Variants in PDE4D observed in about 807,000 individuals in gnomAD.
PDE4D encodes the protein phosphodiesterase 4D.
A neutral mutation model predicts 87.4 loss-of-function variants in PDE4D; 24 were observed. The observed-to-expected ratio is 0.27, with a 90% CI of 0.20 to 0.39. The LOEUF (loss-of-function observed/expected upper bound fraction) is 0.39. Among genes scored for constraint, PDE4D ranks in the 10% least tolerant of loss-of-function variants. PDE4D has a pLI of 1.00. For synonymous variants in PDE4D, 384 were observed against 383.2 expected (o/e 1.00, Z -0.02); for missense variants, 714 against 1,041.0 (o/e 0.69, Z 4.32).
intron 1 of PDE4D, among the ~76,000 whole-genome samples, chr5:59,813,666 G>A (rs192711829): frequency 1.1e-3 from 165 of 152,160 alleles, no homozygotes; most frequent in Non-Finnish European, 1.9e-3. Context: ...AGTCTAGCAG[G>A]GGAAAATACT....
chr5:59,982,002 C>G (rs1197821150), intron 3 of PDE4D, among the ~76,000 whole-genome samples: 1 of 152,124 alleles, frequency 6.6e-6, no homozygotes, highest in Admixed American at 6.5e-5. Context: ...GCATCTGTGA[C>G]CAGTCCCTCT....
intron 3 of PDE4D, among the ~76,000 whole-genome samples, chr5:59,948,661 G>A (rs183357697): frequency 1.2e-3 from 186 of 152,286 alleles, no homozygotes; most frequent in African/African-American, 4.3e-3. Context: ...TAGAACCTAT[G>A]GTTGATGAAG....
chr5:59,546,580 A>T (rs1233765118), intron 1 of PDE4D, among the ~76,000 whole-genome samples: 1 of 152,170 alleles, frequency 6.6e-6, no homozygotes, highest in Admixed American at 6.6e-5. Flanking sequence ...TAAATCACAA[A>T]TCCAATTTAA....
intron 2 of PDE4D, among the ~76,000 whole-genome samples, chr5:60,039,930 T>C (rs961653200): frequency 1.3e-5 from 2 of 152,226 alleles, no homozygotes; most frequent in Non-Finnish European, 2.9e-5. Flanking sequence ...TTCCTGAACA[T>C]ATTTATTGTG....
chr5:59,614,260 G>A (rs1286436456), intron 1 of PDE4D, among the ~76,000 whole-genome samples: 4 of 152,134 alleles, frequency 2.6e-5, no homozygotes, highest in Non-Finnish European at 4.4e-5. Flanking sequence ...ATGCAAATAT[G>A]TAAAATTAAG....
intron 1 of PDE4D, among the ~76,000 whole-genome samples, chr5:59,506,155 T>C (rs1250443329): frequency 2.0e-5 from 3 of 152,166 alleles, no homozygotes; most frequent in South Asian, 4.1e-4. Flanking sequence ...ATTTGAAACA[T>C]TGATTTGCTA....
At chr5:60,237,185 G>T (rs1263268104) in intron 1 of PDE4D, among the ~76,000 whole-genome samples, 1 of 151,768 alleles carries the variant, frequency 6.6e-6, no homozygotes, top group Admixed American at 6.6e-5. Context: ...CAGCAACTCT[G>T]GAAAATAGTT....
chr5:60,170,054 G>T (rs1460215175), intron 2 of PDE4D, among the ~76,000 whole-genome samples: 2 of 151,588 alleles, frequency 1.3e-5, no homozygotes, highest in Non-Finnish European at 2.9e-5. Flanking sequence ...AAATTATACT[G>T]ACCATGACCT....
chr5:59,106,505 G>A (rs1232994540), intron 5 of PDE4D, among the ~76,000 whole-genome samples: 1 of 152,214 alleles, frequency 6.6e-6, no homozygotes, highest in African/African-American at 2.4e-5. Flanking sequence ...ACTCATGCTT[G>A]TAATCCCAGC....
chr5:59,325,693 A>C (rs1161197890), intron 1 of PDE4D, among the ~76,000 whole-genome samples: 1 of 152,094 alleles, frequency 6.6e-6, no homozygotes, highest in African/African-American at 2.4e-5. Flanking sequence ...GGTAGAAGTT[A>C]CCCCTCCCTT....
At chr5:60,146,923 C>T (rs1189818213) in intron 2 of PDE4D, among the ~76,000 whole-genome samples, 3 of 152,100 alleles carry the variant, frequency 2.0e-5, no homozygotes, top group Non-Finnish European at 2.9e-5. Context: ...ACAATATCAC[C>T]TCATACCTGT....
At chr5:59,778,842 T>C (rs1188144395) in intron 1 of PDE4D, among the ~76,000 whole-genome samples, 1 of 152,238 alleles carries the variant, frequency 6.6e-6, no homozygotes, top group Non-Finnish European at 1.5e-5. Context: ...TATACTGATC[T>C]ATCTACTAAA....
intron 1 of PDE4D, among the ~76,000 whole-genome samples, chr5:59,767,038 T>C (rs150363155): frequency 1.3e-5 from 2 of 152,016 alleles, no homozygotes; most frequent in African/African-American, 4.8e-5. Flanking sequence ...ATTTCCTTTG[T>C]CATTGACTTT....
At position 59,681,900 on chromosome 5, in the gene PDE4D, C is replaced by CAAA. The variant is rs11266968; in HGVS notation, c.455+211265_455+211267dup. Among the ~76,000 whole-genome samples the CAAA allele has an allele frequency of 3.9e-3, 380 of 96,350 alleles. 7 individuals carry two copies. The highest frequency in any genetic ancestry group is 0.011 in the African/African-American group (278 of 26,348). 63.2% of individuals were successfully genotyped at this position (96,350 alleles called of 152,430 possible). ...TGGGTGACAGAGCGAGACTCTGTCT[C>CAAA]AAAAAAAAAAAAAAAAAAAATGAGT... On this transcript the variant is annotated intron_variant, in intron 1 of 14. Transcript: ENST00000340635.
At chr5:60,229,012 G>T (rs1018848273) in intron 1 of PDE4D, among the ~76,000 whole-genome samples, 1 of 152,130 alleles carries the variant, frequency 6.6e-6, no homozygotes, top group African/African-American at 2.4e-5. Flanking sequence ...TAAGGTAACG[G>T]CTGGGAACTA....
At chr5:60,059,519 A>T (rs1336632986) in intron 2 of PDE4D, among the ~76,000 whole-genome samples, 1 of 152,054 alleles carries the variant, frequency 6.6e-6, no homozygotes, top group Non-Finnish European at 1.5e-5. Context: ...TGTATAGATG[A>T]CAAAGCAGAT....
intron 2 of PDE4D, chr5:59,215,560 T>C (rs1751056462): frequency 9.1e-6 from 4 of 437,706 alleles, no homozygotes; most frequent in Admixed American, 4.0e-5. Flanking sequence ...TGCGTGTGTG[T>C]GTGTGTGTGT....
At chr5:59,668,295 A>T (rs1454004461) in intron 1 of PDE4D, among the ~76,000 whole-genome samples, 1 of 152,242 alleles carries the variant, frequency 6.6e-6, no homozygotes, top group East Asian at 1.9e-4. Flanking sequence ...TGCTATGCAC[A>T]GTAGAAAGCC....
chr5:59,116,614 AG>A (rs1413543945), intron 5 of PDE4D, among the ~76,000 whole-genome samples: 1 of 152,162 alleles, frequency 6.6e-6, no homozygotes, highest in Non-Finnish European at 1.5e-5. Context: ...GCATTTTAAG[AG>A]GGTCAAAAGG....
Sources: allele counts gnomAD v4.1 joint callset (sites outside exome capture counted in the v4.1 genomes callset), GRCh38; gene constraint gnomAD v4.1.1; transcripts MANE v1.5; gene names NCBI Gene and HGNC (gene_info 2026-07-23, HGNC 2026-07-21).